SLC10A7: variants seen among roughly 807,000 people sequenced by gnomAD.
SLC10A7 encodes the protein solute carrier family 10 member 7.
A neutral mutation model predicts 43.2 loss-of-function variants in SLC10A7; 29 were observed. The ratio of observed to expected loss-of-function variants is 0.67; its 90% CI spans 0.50 to 0.92. The LOEUF (loss-of-function observed/expected upper bound fraction) is 0.92. Ranked by LOEUF, SLC10A7 falls within the 40% of genes least tolerant of loss-of-function variation. The pLI, the probability that SLC10A7 is intolerant of heterozygous loss-of-function variation, is 0.00. For missense variants in SLC10A7, 295 were observed against 403.2 expected (o/e 0.73, Z 2.30); for synonymous variants, 152 against 144.8 (o/e 1.05, Z -0.35).
At chr4:146,441,849 TA>T in intron 5 of SLC10A7, 1 of 985,118 alleles carries the variant, frequency 1.0e-6, no homozygotes, top group Non-Finnish European at 1.2e-6. Flanking sequence ...TAACACTATG[TA>T]ACAACATGTT....
In SLC10A7 at chr4:146,342,307, A is replaced by C. The variant is rs529704354; in HGVS notation, c.436-16311T>G. The stretch of plus-strand genomic sequence containing the variant: ...ATTCTAGTTTAAAAAGTGATTATAC[A>C]GTTTTATCTGAAATTTATAAGAGCT... On this transcript the variant is annotated intron_variant, in intron 5 of 11. Coordinates refer to ENST00000335472, the MANE Select transcript of SLC10A7 (RefSeq NM_001029998.6). Among the ~76,000 whole-genome samples the C allele has an allele frequency of 2.7e-3, 411 of 151,914 alleles. 1 individual carries two copies. The highest frequency in any genetic ancestry group is 9.3e-3 in the African/African-American group (386 of 41,524).
Position 146,496,185 on chromosome 4 carries a change from C to T in SLC10A7, c.396+7664G>A, listed in dbSNP as rs78060053. 2.6e-3 allele frequency among the ~76,000 whole-genome samples: 403 copies of T among 152,236 alleles called. 4 individuals are homozygous for T. The East Asian group carries it at 0.035, about 13-fold the overall frequency. Reference sequence around the variant, plus strand: ...TAGGCAAAATTATTCCACTACGTTTCGCCTATTTTTGTGAGGTTTATAACA... The same window carrying T: ...TAGGCAAAATTATTCCACTACGTTTTGCCTATTTTTGTGAGGTTTATAACA... On this transcript the variant is annotated intron_variant, in intron 4 of 11. Transcript: ENST00000335472.
chr4:146,396,382 C>T (rs932357787), intron 5 of SLC10A7, among the ~76,000 whole-genome samples: 20 of 152,146 alleles, frequency 1.3e-4, no homozygotes, highest in African/African-American at 4.6e-4. Flanking sequence ...TTACCAAAAG[C>T]TTTAAATCAA....
chr4:146,425,321 T>C (rs1729259034), intron 5 of SLC10A7, among the ~76,000 whole-genome samples: 1 of 152,196 alleles, frequency 6.6e-6, no homozygotes, highest in Non-Finnish European at 1.5e-5. Context: ...GCAAAATAGT[T>C]TGTTTATTAA....
At position 146,315,967 on chromosome 4, in the gene SLC10A7, T is replaced by C. The variant is rs1732297564; in HGVS notation, c.472-9958A>G. ...CTCCTTCCAATAAATATTTATTGAATACTTGGCATTGAAGATAAGGTAATG... is the reference window on the plus strand; with the variant it reads ...CTCCTTCCAATAAATATTTATTGAACACTTGGCATTGAAGATAAGGTAATG... On this transcript the variant is annotated intron_variant, in intron 6 of 11. Coordinates refer to ENST00000335472, the MANE Select transcript of SLC10A7 (RefSeq NM_001029998.6). Among the ~76,000 whole-genome samples, 4 of 152,128 alleles carry C rather than the reference T, an allele frequency of 2.6e-5. No homozygotes were observed. The South Asian group carries it at 8.3e-4, about 32-fold the overall frequency.
chr4:146,387,526 A>G (rs185627220), intron 5 of SLC10A7, among the ~76,000 whole-genome samples: 1 of 152,346 alleles, frequency 6.6e-6, no homozygotes, highest in Non-Finnish European at 1.5e-5. Context: ...GGACTGGAAC[A>G]AGACAAGGAT....
intron 5 of SLC10A7, among the ~76,000 whole-genome samples, chr4:146,389,565 C>G (rs1257846573): frequency 6.6e-6 from 1 of 152,198 alleles, no homozygotes; most frequent in Non-Finnish European, 1.5e-5. Context: ...AACAAACATA[C>G]ACTTAATGAG....
chr4:146,335,250 GT>G (rs200305722), intron 5 of SLC10A7, among the ~76,000 whole-genome samples: 5 of 70,624 alleles, frequency 7.1e-5, no homozygotes, highest in Admixed American at 4.5e-4. Flanking sequence ...CACAGATGTT[GT>G]AAAAAAAAAA....
At chr4:146,476,957 A>C (rs1268787945) in intron 4 of SLC10A7, among the ~76,000 whole-genome samples, 4 of 152,206 alleles carry the variant, frequency 2.6e-5, no homozygotes, top group Non-Finnish European at 5.9e-5. Flanking sequence ...TGAAAAAAAA[A>C]AAATACAGTT....
chr4:146,295,818 G>A (rs1181611153), intron 7 of SLC10A7, among the ~76,000 whole-genome samples: 2 of 152,106 alleles, frequency 1.3e-5, no homozygotes, highest in Non-Finnish European at 2.9e-5. Flanking sequence ...TGAAATTGTT[G>A]CTGCCCTTCA....
At chr4:146,454,483 T>A (rs2149920269) in intron 4 of SLC10A7, among the ~76,000 whole-genome samples, 1 of 151,992 alleles carries the variant, frequency 6.6e-6, no homozygotes, top group East Asian at 1.9e-4. Context: ...TCTTGCACCC[T>A]CTCTATTACA....
At chr4:146,460,145 C>T (rs899777298) in intron 4 of SLC10A7, among the ~76,000 whole-genome samples, 1 of 151,900 alleles carries the variant, frequency 6.6e-6, no homozygotes, top group East Asian at 1.9e-4. Context: ...TGAGATAACA[C>T]TATTTACCAG....
chr4:146,318,566 C>A (rs535997922), intron 6 of SLC10A7, among the ~76,000 whole-genome samples: 5 of 152,010 alleles, frequency 3.3e-5, no homozygotes, highest in African/African-American at 1.2e-4. Context: ...ATCTTTCATT[C>A]TTTATTATTG....
chr4:146,406,492 T>C (rs1328134031), intron 5 of SLC10A7, among the ~76,000 whole-genome samples: 1 of 152,230 alleles, frequency 6.6e-6, no homozygotes, highest in Non-Finnish European at 1.5e-5. Flanking sequence ...TCTTCATTGG[T>C]ACTTTGCATG....
chr4:146,356,067 T>TAC (rs1735602540), intron 5 of SLC10A7, among the ~76,000 whole-genome samples: 1 of 143,354 alleles, frequency 7.0e-6, no homozygotes, highest in Non-Finnish European at 1.5e-5. Flanking sequence ...TATATATATA[T>TAC]ACATATATAT....
chr4:146,439,471 T>C (rs1161640818), intron 5 of SLC10A7, among the ~76,000 whole-genome samples: 2 of 152,068 alleles, frequency 1.3e-5, no homozygotes, highest in Non-Finnish European at 2.9e-5. Flanking sequence ...ACCACAGGAA[T>C]GGTCACTCAT....
chr4:146,405,890 A>G (rs1010234477), intron 5 of SLC10A7, among the ~76,000 whole-genome samples: 1 of 151,972 alleles, frequency 6.6e-6, no homozygotes, highest in African/African-American at 2.4e-5. Flanking sequence ...CATAGAATGT[A>G]TTTTATATTC....
At chr4:146,446,166 A>C (rs2149899369) in intron 4 of SLC10A7, among the ~76,000 whole-genome samples, 1 of 152,190 alleles carries the variant, frequency 6.6e-6, no homozygotes, top group South Asian at 2.1e-4. Flanking sequence ...TTCCCCCAAC[A>C]CACGCACACA....
chr4:146,304,812 T>C (rs560991756), intron 7 of SLC10A7, among the ~76,000 whole-genome samples: 283 of 152,222 alleles, frequency 1.9e-3, no homozygotes, highest in African/African-American at 6.2e-3. Flanking sequence ...CCTTGTTGAC[T>C]TTCTGTCTCG....
Sources: gnomAD v4.1 joint callset for allele counts (sites outside exome capture counted in the v4.1 genomes callset) on GRCh38, gnomAD v4.1.1 for gene constraint, MANE v1.5 for transcripts, NCBI Gene and HGNC (gene_info 2026-07-23, HGNC 2026-07-21) for gene names.